Variants in TLK1 observed in about 807,000 individuals in gnomAD.
TLK1 encodes tousled like kinase 1, also known as serine/threonine-protein kinase tousled-like 1.
Under a neutral mutation model 105.3 loss-of-function variants are expected in TLK1, and 24 were observed. The ratio of observed to expected loss-of-function variants is 0.23; its 90% confidence interval spans 0.17 to 0.32. The LOEUF is 0.32. Ranked by LOEUF, TLK1 falls within the 10% of genes least tolerant of loss-of-function variation. TLK1 has a pLI of 1.00. For synonymous variants in TLK1, 321 were observed against 310.4 expected, an observed-to-expected ratio of 1.03 and a Z score of -0.36; for missense variants, 558 against 910.5, an observed-to-expected ratio of 0.61 and a Z score of 4.98.
chr2:171,094,862 C>T (rs1246034855), intron 2 of TLK1, among the ~76,000 whole-genome samples: 1 of 152,154 alleles, frequency 6.6e-6, no homozygotes, highest in African/African-American at 2.4e-5. Context: ...CCCACCTCAG[C>T]CTCCCAAAAT....
intron 1 of TLK1, among the ~76,000 whole-genome samples, chr2:171,214,249 C>T (rs1370720985): frequency 6.6e-6 from 1 of 152,090 alleles, no homozygotes; most frequent in Non-Finnish European, 1.5e-5. Context: ...AAGGTGGGAC[C>T]TAGTGTCTTC....
intron 1 of TLK1, among the ~76,000 whole-genome samples, chr2:171,126,047 T>C (rs1396254708): frequency 6.6e-6 from 1 of 152,174 alleles, no homozygotes; most frequent in Non-Finnish European, 1.5e-5. Flanking sequence ...GTTTATAATT[T>C]TGAAAAGGAA....
chr2:171,014,185 T>TG (rs1685061616), intron 13 of TLK1, among the ~76,000 whole-genome samples: 1 of 152,246 alleles, frequency 6.6e-6, no homozygotes, highest in East Asian at 1.9e-4. Flanking sequence ...TGTCAGGCAC[T>TG]GGTCTAGGCT....
intron 2 of TLK1, among the ~76,000 whole-genome samples, chr2:171,114,896 G>A (rs1690343324): frequency 1.3e-5 from 2 of 151,898 alleles, no homozygotes; most frequent in Admixed American, 1.3e-4. Flanking sequence ...TCCTCCCCTT[G>A]AGCCTCCAAA....
chr2:171,228,331 A>G (rs917341016), intron 1 of TLK1, among the ~76,000 whole-genome samples: 1 of 152,220 alleles, frequency 6.6e-6, no homozygotes, highest in African/African-American at 2.4e-5. Flanking sequence ...AGGCAGGAGG[A>G]TCACCTAAGG....
intron 4 of TLK1, among the ~76,000 whole-genome samples, chr2:171,058,542 C>T (rs1383535031): frequency 1.3e-5 from 2 of 152,050 alleles, no homozygotes; most frequent in Non-Finnish European, 2.9e-5. Flanking sequence ...TAACATGATT[C>T]CTGTCAAACT....
intron 12 of TLK1, among the ~76,000 whole-genome samples, chr2:171,020,918 C>T (rs1189027729): frequency 3.3e-5 from 5 of 152,148 alleles, no homozygotes. Flanking sequence ...CCCTCCACCC[C>T]TATCCCCAAT....
At chr2:170,995,169 T>A (rs1191534050) in intron 20 of TLK1, among the ~76,000 whole-genome samples, 1 of 152,054 alleles carries the variant, frequency 6.6e-6, no homozygotes, top group African/African-American at 2.4e-5. Flanking sequence ...GAAAAAAACA[T>A]CAAGACTGAT....
chr2:171,170,537 G>A (rs959874646), intron 1 of TLK1, among the ~76,000 whole-genome samples: 1 of 152,180 alleles, frequency 6.6e-6, no homozygotes, highest in African/African-American at 2.4e-5. Context: ...GACATCTGGT[G>A]TGTCTCTTCC....
chr2:171,085,868 T>G (rs1575585483), intron 2 of TLK1, among the ~76,000 whole-genome samples: 1 of 152,298 alleles, frequency 6.6e-6, no homozygotes, highest in South Asian at 2.1e-4. Flanking sequence ...ACTAAATGCA[T>G]GCAAAGTTAA....
At chr2:171,217,955 T>C (rs1198037279) in intron 1 of TLK1, among the ~76,000 whole-genome samples, 1 of 152,158 alleles carries the variant, frequency 6.6e-6, no homozygotes, top group African/African-American at 2.4e-5. Context: ...ACTTGGTGTA[T>C]TAAAACAACA....
chr2:171,055,560 G>A (rs562608618), intron 6 of TLK1, among the ~76,000 whole-genome samples: 9 of 151,856 alleles, frequency 5.9e-5, no homozygotes, highest in South Asian at 2.1e-4. Context: ...AATAATACAC[G>A]CCCATATGTA....
At chr2:171,082,030 TACACACAC>T (rs3084370) in intron 3 of TLK1, among the ~76,000 whole-genome samples, 17 of 146,624 alleles carry the variant, frequency 1.2e-4, no homozygotes, top group Non-Finnish European at 2.4e-4. Flanking sequence ...ACGGGAAAAA[TACACACAC>T]ACACACACAC....
intron 2 of TLK1, among the ~76,000 whole-genome samples, chr2:171,102,989 T>TA (rs759483363): frequency 1.9e-4 from 29 of 152,118 alleles, no homozygotes; most frequent in Admixed American, 6.5e-4. Context: ...ACAAAGGTAT[T>TA]ACCTTACATA....
intron 1 of TLK1, among the ~76,000 whole-genome samples, chr2:171,187,579 G>C (rs1693056351): frequency 6.6e-6 from 1 of 152,146 alleles, no homozygotes; most frequent in Non-Finnish European, 1.5e-5. Context: ...TTTTAAGAAG[G>C]GGGCACAAAA....
At position 171,046,296 on chromosome 2, in the gene TLK1, G is replaced by A; in HGVS notation, c.1047C>T (p.Arg349=). ...IERQRKLLAK[R]KPPTANNSQA... is the part of the protein sequence containing the mutation. ...GAGAATTATTAGCTGTGGGAGGTTTGCGTTTGGCTAGAAGTTTCCTTTGCC... is the reference window on the plus strand; with the variant it reads ...GAGAATTATTAGCTGTGGGAGGTTTACGTTTGGCTAGAAGTTTCCTTTGCC... Residue 349 remains arginine, a synonymous_variant, in exon 11 of 21, where the codon CGC becomes CGT. Transcript: ENST00000431350. 2 of 1,613,516 alleles carry A rather than the reference G, an allele frequency of 1.2e-6. No homozygotes were observed. Among genetic ancestry groups the A allele is most frequent in the Non-Finnish European group, 8.5e-7 (1 of 1,179,686 alleles).
intron 1 of TLK1, among the ~76,000 whole-genome samples, chr2:171,150,119 C>A (rs1691973524): frequency 6.6e-6 from 1 of 152,122 alleles, no homozygotes; most frequent in South Asian, 2.1e-4. Flanking sequence ...TACAGTATTT[C>A]TAAGATGAGT....
chr2:171,204,850 C>T (rs915134044), intron 1 of TLK1, among the ~76,000 whole-genome samples: 5 of 151,596 alleles, frequency 3.3e-5, no homozygotes, highest in African/African-American at 7.3e-5. Context: ...CCCAGCTACT[C>T]GGGAGGCTGA....
intron 1 of TLK1, among the ~76,000 whole-genome samples, chr2:171,145,257 G>A (rs764017501): frequency 1.2e-4 from 19 of 152,002 alleles, no homozygotes; most frequent in Non-Finnish European, 2.4e-4. Context: ...GCAGTGAGCC[G>A]AGATCGCACC....
Sources: allele counts gnomAD v4.1 joint callset (sites outside exome capture counted in the v4.1 genomes callset), GRCh38; gene constraint gnomAD v4.1.1; transcripts MANE v1.5; gene names NCBI Gene and HGNC (gene_info 2026-07-23, HGNC 2026-07-21).